The following ADGRL3 variants were observed in gnomAD, a reference collection of about 807,000 sequenced individuals.
The protein encoded by ADGRL3 is adhesion G protein-coupled receptor L3.
Under a neutral mutation model 153.5 loss-of-function variants are expected in ADGRL3, and 62 were observed. The ratio of observed to expected loss-of-function variants is 0.40; its 90% CI spans 0.33 to 0.50. ADGRL3 has a LOEUF of 0.50. Ranked by LOEUF, ADGRL3 falls within the 20% of genes least tolerant of loss-of-function variation. ADGRL3 has a pLI of 0.47. For synonymous variants in ADGRL3, 710 were observed against 672.5 expected, an observed-to-expected ratio of 1.06 and a Z score of -0.86; for missense variants, 1,641 against 1,859.4, an observed-to-expected ratio of 0.88 and a Z score of 2.16.
intron 1 of ADGRL3, among the ~76,000 whole-genome samples, chr4:61,300,737 A>G (rs974569894): frequency 6.6e-6 from 1 of 151,576 alleles, no homozygotes; most frequent in Admixed American, 6.6e-5. Flanking sequence ...CCTAATGCTT[A>G]AGAATGAGTT....
At chr4:61,326,992 C>T (rs2095478649) in intron 1 of ADGRL3, among the ~76,000 whole-genome samples, 1 of 151,888 alleles carries the variant, frequency 6.6e-6, no homozygotes, top group African/African-American at 2.4e-5. Flanking sequence ...TATACAAGCA[C>T]CAAACCTAGG....
At chr4:61,826,013 G>A (rs1350187487) in intron 9 of ADGRL3, among the ~76,000 whole-genome samples, 2 of 152,144 alleles carry the variant, frequency 1.3e-5, no homozygotes, top group South Asian at 4.1e-4. Context: ...AATGCATACA[G>A]TTGAATTTAA....
chr4:61,335,581 T>C (rs1185592345), intron 1 of ADGRL3, among the ~76,000 whole-genome samples: 3 of 152,200 alleles, frequency 2.0e-5, no homozygotes, highest in Non-Finnish European at 2.9e-5. Flanking sequence ...GTTTCTTTTT[T>C]ACTTAGAGCA....
chr4:61,624,278 G>A (rs2092702725), intron 5 of ADGRL3, among the ~76,000 whole-genome samples: 1 of 152,114 alleles, frequency 6.6e-6, no homozygotes, highest in African/African-American at 2.4e-5. Flanking sequence ...TATTCAAACT[G>A]GAGTCAGCAA....
At chr4:61,701,599 A>AT (rs1455936016) in intron 6 of ADGRL3, among the ~76,000 whole-genome samples, 1 of 151,256 alleles carries the variant, frequency 6.6e-6, no homozygotes, top group African/African-American at 2.4e-5. Context: ...TGCCTGGCTA[A>AT]TTTTTTGTAT....
intron 9 of ADGRL3, among the ~76,000 whole-genome samples, chr4:61,862,144 T>A (rs1435999360): frequency 6.6e-6 from 1 of 152,016 alleles, no homozygotes; most frequent in Admixed American, 6.6e-5. Context: ...TAAGGTAGAG[T>A]GATAAAACTT....
chr4:61,564,360 G>A (rs543291912), intron 4 of ADGRL3, among the ~76,000 whole-genome samples: 3 of 152,012 alleles, frequency 2.0e-5, no homozygotes, highest in East Asian at 1.9e-4. Context: ...TTGCAGCCTC[G>A]AATTTCCAGA....
intron 5 of ADGRL3, among the ~76,000 whole-genome samples, chr4:61,602,038 T>A (rs996289037): frequency 2.0e-5 from 3 of 152,088 alleles, no homozygotes; most frequent in African/African-American, 7.2e-5. Flanking sequence ...TTAAGATAAA[T>A]AATAAATAAT....
rs1486751994 is a variant in ADGRL3, at chr4:62,070,181, G to C, written c.3905G>C (p.Ser1302Thr). The C allele has an allele frequency of 6.2e-7, 1 of 1,613,856 alleles. No individual in the cohort carries two copies. Among genetic ancestry groups the C allele is most frequent in the African/African-American group, 1.3e-5 (1 of 74,882 alleles). The change falls in exon 27 of 27, where the codon AGT (serine) becomes ACT (threonine). Residue 1302 changes from serine (S) to threonine (T), a missense_variant. Physicochemically the swap from Ser to Thr is moderately conservative, Grantham distance 58. Coordinates refer to ENST00000683033, the MANE Select transcript of ADGRL3 (RefSeq NM_001387552.1). ...CCACTGAATGGTAACCATGGCAATA[G>C]TTACAGCATTGCCAGCGGCGAATAC... ...TLPLNGNHGNSYSIASGEYLS... is the reference protein window; with the variant it reads ...TLPLNGNHGNTYSIASGEYLS...
intron 25 of ADGRL3, among the ~76,000 whole-genome samples, chr4:62,046,856 A>G (rs1239717916): frequency 1.3e-5 from 2 of 151,892 alleles, no homozygotes; most frequent in Non-Finnish European, 2.9e-5. Context: ...TGAGTGGACT[A>G]CTTGAAATTT....
intron 17 of ADGRL3, among the ~76,000 whole-genome samples, chr4:61,960,414 A>C (rs2098983274): frequency 6.6e-6 from 1 of 152,016 alleles, no homozygotes; most frequent in South Asian, 2.1e-4. Flanking sequence ...GAGTGGAAAA[A>C]GTAAGAGAGA....
chr4:61,557,360 TAATA>T (rs1333978066), intron 4 of ADGRL3, among the ~76,000 whole-genome samples: 1 of 152,172 alleles, frequency 6.6e-6, no homozygotes, highest in Non-Finnish European at 1.5e-5. Context: ...TATGAACCTA[TAATA>T]GATGGATGGT....
intron 2 of ADGRL3, among the ~76,000 whole-genome samples, chr4:61,396,948 ATAT>A (rs72231913): frequency 0.91 from 134,427 of 148,514 alleles, 61,488 homozygotes; most frequent in Middle Eastern, 0.97. Flanking sequence ...AGTAAGGAAT[ATAT>A]TATTATTATT....
At chr4:61,806,781 A>C (rs2097557499) in intron 8 of ADGRL3, among the ~76,000 whole-genome samples, 2 of 152,246 alleles carry the variant, frequency 1.3e-5, no homozygotes, top group Non-Finnish European at 2.9e-5. Flanking sequence ...ATGTCACAGA[A>C]AATGCCTCAT....
chr4:61,954,966 G>C (rs902761134), intron 17 of ADGRL3, among the ~76,000 whole-genome samples: 2 of 152,170 alleles, frequency 1.3e-5, no homozygotes, highest in Non-Finnish European at 2.9e-5. Flanking sequence ...AGAGATTTCA[G>C]CTAGGTCCCC....
chr4:61,648,386 C>T (rs1424044860), intron 5 of ADGRL3, among the ~76,000 whole-genome samples: 1 of 144,498 alleles, frequency 6.9e-6, no homozygotes, highest in Non-Finnish European at 1.5e-5. Context: ...GAAGACAACC[C>T]TCAATGAGTG....
intron 1 of ADGRL3, among the ~76,000 whole-genome samples, chr4:61,297,124 C>G (rs987098457): frequency 6.6e-6 from 1 of 152,058 alleles, no homozygotes; most frequent in Non-Finnish European, 1.5e-5. Context: ...GAGCAATGAG[C>G]CTATTTCTGT....
intron 5 of ADGRL3, among the ~76,000 whole-genome samples, chr4:61,668,603 G>T (rs532067015): frequency 1.3e-5 from 2 of 152,272 alleles, no homozygotes; most frequent in Middle Eastern, 3.4e-3. Context: ...GGAAATGAAA[G>T]AATTGGAGCT....
intron 8 of ADGRL3, among the ~76,000 whole-genome samples, chr4:61,758,665 T>G (rs2096869862): frequency 6.6e-6 from 1 of 152,234 alleles, no homozygotes; most frequent in Admixed American, 6.5e-5. Context: ...AATGGGAGCA[T>G]TTAGCCCATT....
Sources: allele counts gnomAD v4.1 joint callset (sites outside exome capture counted in the v4.1 genomes callset), GRCh38; gene constraint gnomAD v4.1.1; transcripts MANE v1.5; gene names NCBI Gene and HGNC (gene_info 2026-07-23, HGNC 2026-07-21).